The following TXNDC16 variants were observed in gnomAD, a reference collection of about 807,000 sequenced individuals.
TXNDC16 encodes the protein thioredoxin domain-containing protein 16.
Under a neutral mutation model 85.6 loss-of-function variants are expected in TXNDC16, and 74 were observed. The ratio of observed to expected loss-of-function variants is 0.86; its 90% CI spans 0.72 to 1.05. The LOEUF is 1.05. TXNDC16 is among the 50% of genes least tolerant of loss of function. The pLI is 0.00. For missense variants in TXNDC16, 959 were observed against 947.0 expected, an observed-to-expected ratio of 1.01 and a Z score of -0.17; for synonymous variants, 335 against 326.5, an observed-to-expected ratio of 1.03 and a Z score of -0.28.
rs1241778706 is a variant in TXNDC16 at position 52,432,397 on chromosome 14, CAG to C, written c.2383_2384del (p.Leu795GlufsTer7). On this transcript the variant is annotated frameshift_variant, in exon 21 of 21. Coordinates refer to ENST00000281741, the MANE Select transcript of TXNDC16 (RefSeq NM_020784.3). LOFTEE classifies it low-confidence loss of function (END_TRUNC). ...SAVRKEPIET[L>X]RIKHWNRSNW... ...TACTTCTATTCCAATGCTTTATTCTCAGAGTTTCAATCGGTTCTTTTCTGACT... is the reference window on the plus strand; with the variant it reads ...TACTTCTATTCCAATGCTTTATTCTCAGTTTCAATCGGTTCTTTTCTGACT... 2 of 1,614,000 alleles carry C rather than the reference CAG, an allele frequency of 1.2e-6. No individual in the cohort carries two copies. The highest frequency in any genetic ancestry group is 1.7e-6 in the Non-Finnish European group (2 of 1,179,956).
intron 18 of TXNDC16, among the ~76,000 whole-genome samples, chr14:52,450,485 T>G (rs1377115272): frequency 6.8e-6 from 1 of 146,112 alleles, no homozygotes; most frequent in East Asian, 2.0e-4. Flanking sequence ...CGGGACCCAA[T>G]GGCTTCACTG....
chr14:52,513,020 AT>A (rs2036993426), intron 8 of TXNDC16, among the ~76,000 whole-genome samples: 1 of 152,122 alleles, frequency 6.6e-6, no homozygotes, highest in Non-Finnish European at 1.5e-5. Flanking sequence ...TCCACCTCTG[AT>A]TTAATGGATT....
chr14:52,472,143 G>A (rs915718276), intron 14 of TXNDC16, among the ~76,000 whole-genome samples: 2 of 150,134 alleles, frequency 1.3e-5, no homozygotes, highest in Admixed American at 1.3e-4. Context: ...TATCACTTTA[G>A]ATTTAGTGTT....
intron 16 of TXNDC16, among the ~76,000 whole-genome samples, chr14:52,458,142 G>T (rs2035575090): frequency 6.6e-6 from 1 of 152,152 alleles, no homozygotes; most frequent in South Asian, 2.1e-4. Context: ...GTAACCACAA[G>T]ATTATTTTCT....
intron 6 of TXNDC16, among the ~76,000 whole-genome samples, chr14:52,535,118 T>C (rs1240207597): frequency 6.6e-6 from 1 of 152,184 alleles, no homozygotes; most frequent in Non-Finnish European, 1.5e-5. Context: ...TTTCTGTTTC[T>C]TCACCCCCAT....
intron 11 of TXNDC16, among the ~76,000 whole-genome samples, chr14:52,490,090 A>G (rs918268214): frequency 1.3e-5 from 2 of 152,152 alleles, no homozygotes; most frequent in Non-Finnish European, 2.9e-5. Context: ...CAGCCTCCCA[A>G]AGTGCTAGAT....
intron 14 of TXNDC16, among the ~76,000 whole-genome samples, chr14:52,474,371 C>T (rs147593278): frequency 2.1e-3 from 320 of 152,246 alleles, no homozygotes; most frequent in African/African-American, 7.1e-3. Flanking sequence ...AAGAAGAAAA[C>T]TTAAATTTGT....
chr14:52,534,212 A>G (rs983799209), intron 6 of TXNDC16, among the ~76,000 whole-genome samples: 3 of 152,100 alleles, frequency 2.0e-5, no homozygotes, highest in Non-Finnish European at 4.4e-5. Flanking sequence ...CTCTGACCCC[A>G]TGTCTACTTT....
chr14:52,538,476 A>G (rs2037753598), intron 4 of TXNDC16, among the ~76,000 whole-genome samples: 1 of 152,234 alleles, frequency 6.6e-6, no homozygotes, highest in Admixed American at 6.5e-5. Context: ...CACAAAGATA[A>G]GGAGAGTTTA....
At chr14:52,461,921 T>C (rs757333019) in intron 16 of TXNDC16, among the ~76,000 whole-genome samples, 1 of 152,222 alleles carries the variant, frequency 6.6e-6, no homozygotes, top group Non-Finnish European at 1.5e-5. Flanking sequence ...AAAAATATTA[T>C]AGAAAATTAG....
intron 18 of TXNDC16, among the ~76,000 whole-genome samples, chr14:52,447,385 C>T (rs558676704): frequency 6.6e-6 from 1 of 152,278 alleles, no homozygotes; most frequent in Non-Finnish European, 1.5e-5. Flanking sequence ...GCTTAGCCAC[C>T]TCTGATTTTA....
chr14:52,525,743 AT>A (rs1270176037), intron 6 of TXNDC16, among the ~76,000 whole-genome samples: 2 of 103,256 alleles, frequency 1.9e-5, no homozygotes, highest in African/African-American at 3.3e-5. Flanking sequence ...AATAATAATA[AT>A]AAATAAAAAT....
intron 9 of TXNDC16, among the ~76,000 whole-genome samples, chr14:52,500,362 A>G (rs1459042781): frequency 6.6e-6 from 1 of 152,236 alleles, no homozygotes; most frequent in Non-Finnish European, 1.5e-5. Context: ...CTGCAAAAAC[A>G]AATATGGCAT....
chr14:52,520,686 C>T (rs2037190082), intron 6 of TXNDC16, among the ~76,000 whole-genome samples: 1 of 152,108 alleles, frequency 6.6e-6, no homozygotes, highest in South Asian at 2.1e-4. Context: ...CCTAACAACT[C>T]ATTCCACTTA....
At chr14:52,480,880 G>T (rs2036128100) in intron 14 of TXNDC16, among the ~76,000 whole-genome samples, 2 of 150,656 alleles carry the variant, frequency 1.3e-5, no homozygotes, top group South Asian at 4.2e-4. Flanking sequence ...AGCACAATTT[G>T]CAATTGCAAA....
chr14:52,441,779 C>G (rs991761647), intron 18 of TXNDC16, among the ~76,000 whole-genome samples: 7 of 152,122 alleles, frequency 4.6e-5, no homozygotes, highest in African/African-American at 1.7e-4. Context: ...GAAGCTTTCT[C>G]TTGGCCACTG....
chr14:52,483,043 A>G, intron 12 of TXNDC16, 78 bp from the exon 13 acceptor site: 1 of 1,208,454 alleles, frequency 8.3e-7, no homozygotes, highest in South Asian at 1.6e-5. Context: ...TAGGAAGCAT[A>G]TAATAATTCA....
intron 6 of TXNDC16, among the ~76,000 whole-genome samples, chr14:52,528,407 G>C (rs2037388140): frequency 6.6e-6 from 1 of 152,048 alleles, no homozygotes; most frequent in Non-Finnish European, 1.5e-5. Context: ...TTAAGAATTA[G>C]GCTAAGTATT....
In TXNDC16 at chr14:52,543,475, A is replaced by T; in HGVS notation, c.83T>A (p.Leu28Ter). 1 of 1,613,800 alleles carries T rather than the reference A, an allele frequency of 6.2e-7. No individual in the cohort carries two copies. The highest frequency in any genetic ancestry group is 8.5e-7 in the Non-Finnish European group (1 of 1,179,788). The change falls in exon 3 of 21, where the codon TTA becomes TAA. Residue 28 changes from leucine to a stop codon, truncating the protein, a stop_gained. Transcript: ENST00000281741. LOFTEE classifies it high-confidence loss of function. Reference sequence around the variant, plus strand: ...ATATTTCTGAGGACTCAGTTCTGGTAAAGAGTTTACTGTTGGCATGTAAAA... The same window carrying T: ...ATATTTCTGAGGACTCAGTTCTGGTTAAGAGTTTACTGTTGGCATGTAAAA... ...CIFYMPTVNS[L>*]PELSPQKYFS...
Sources: gnomAD v4.1 joint callset for allele counts (sites outside exome capture counted in the v4.1 genomes callset) on GRCh38, gnomAD v4.1.1 for gene constraint, MANE v1.5 for transcripts, NCBI Gene and HGNC (gene_info 2026-07-23, HGNC 2026-07-21) for gene names.